RBFOX1: variants seen among roughly 807,000 people sequenced by gnomAD.
The protein encoded by RBFOX1 is RNA binding fox-1 homolog 1.
RBFOX1 carries 8 observed loss-of-function variants against 57.7 expected under a neutral mutation model. That is an observed-to-expected ratio of 0.14 (90% CI 0.08 to 0.25). The LOEUF (loss-of-function observed/expected upper bound fraction) is 0.25, where lower values mean the gene tolerates loss of function less well. Ranked by LOEUF, RBFOX1 falls within the 10% of genes least tolerant of loss-of-function variation. The probability of loss-of-function intolerance (pLI) is 1.00; values close to 1 mark genes in which losing one functional copy is unlikely to be tolerated. For missense variants in RBFOX1, 611 were observed against 548.5 expected (o/e 1.11, Z -1.14); for synonymous variants, 326 against 222.4 (o/e 1.47, Z -4.15).
intron 1 of RBFOX1, among the ~76,000 whole-genome samples, chr16:6,229,306 C>T (rs894382323): frequency 4.6e-5 from 7 of 152,220 alleles, no homozygotes; most frequent in African/African-American, 1.7e-4. Flanking sequence ...TCTCATCGTT[C>T]TCCTGTGATT....
At chr16:7,426,517 A>G (rs1041629876) in intron 4 of RBFOX1, among the ~76,000 whole-genome samples, 5 of 152,202 alleles carry the variant, frequency 3.3e-5, no homozygotes, top group African/African-American at 1.2e-4. Context: ...ACTCTCCAGC[A>G]TGCAGCTAGG....
At chr16:6,347,214 G>C (rs1337662243) in intron 2 of RBFOX1, among the ~76,000 whole-genome samples, 1 of 152,174 alleles carries the variant, frequency 6.6e-6, no homozygotes, top group African/African-American at 2.4e-5. Context: ...GAATAGTAAA[G>C]TGATGTGAAG....
At chr16:7,387,404 C>T (rs1187457406) in intron 4 of RBFOX1, among the ~76,000 whole-genome samples, 1 of 152,196 alleles carries the variant, frequency 6.6e-6, no homozygotes, top group African/African-American at 2.4e-5. Flanking sequence ...TTGAGGCCGT[C>T]AGTCACTGGA....
chr16:6,817,593 C>G (rs151305761), intron 3 of RBFOX1, among the ~76,000 whole-genome samples: 1,774 of 150,248 alleles, frequency 0.012, 45 homozygotes, highest in African/African-American at 0.041. Context: ...GTAATTGCAG[C>G]TACTCGGGAG....
chr16:6,463,692 T>TA (rs2094972501), intron 2 of RBFOX1, among the ~76,000 whole-genome samples: 1 of 152,198 alleles, frequency 6.6e-6, no homozygotes. Context: ...TTAGCTCTCT[T>TA]ACAGCCATGT....
At chr16:5,689,037 T>G (rs984781) in intron 3 of RBFOX1, among the ~76,000 whole-genome samples, 1 of 152,062 alleles carries the variant, frequency 6.6e-6, no homozygotes, top group African/African-American at 2.4e-5. Context: ...AGGATTTTAT[T>G]TTGACATCTT....
chr16:6,392,190 T>C (rs1228923905), intron 2 of RBFOX1, among the ~76,000 whole-genome samples: 1 of 152,244 alleles, frequency 6.6e-6, no homozygotes, highest in Non-Finnish European at 1.5e-5. Context: ...TTTCTAAAAT[T>C]CGTGGCCCAA....
intron 2 of RBFOX1, among the ~76,000 whole-genome samples, chr16:6,376,444 G>A (rs902687980): frequency 2.0e-5 from 3 of 152,186 alleles, no homozygotes; most frequent in African/African-American, 4.8e-5. Flanking sequence ...TCCCTCTGAA[G>A]GCATTAAGGG....
chr16:7,392,289 G>C (rs1431373672), intron 4 of RBFOX1, among the ~76,000 whole-genome samples: 1 of 152,060 alleles, frequency 6.6e-6, no homozygotes, highest in Non-Finnish European at 1.5e-5. Flanking sequence ...CCCTTGTATA[G>C]CACCTTGCAT....
chr16:6,703,487 G>A (rs146794864), intron 3 of RBFOX1, among the ~76,000 whole-genome samples: 4 of 142,206 alleles, frequency 2.8e-5, no homozygotes, highest in African/African-American at 1.1e-4. Flanking sequence ...TGAGATGGGA[G>A]GATTGCTTGA....
intron 4 of RBFOX1, among the ~76,000 whole-genome samples, chr16:7,359,404 G>A (rs1358002975): frequency 6.6e-6 from 1 of 152,018 alleles, no homozygotes; most frequent in African/African-American, 2.4e-5. Context: ...GTGTTTGTGT[G>A]CACATGTGAA....
intron 4 of RBFOX1, among the ~76,000 whole-genome samples, chr16:7,133,456 A>G (rs1160044911): frequency 6.6e-6 from 1 of 152,168 alleles, no homozygotes; most frequent in Non-Finnish European, 1.5e-5. Flanking sequence ...CATGTGAATA[A>G]AAGCAAGGTT....
intron 2 of RBFOX1, among the ~76,000 whole-genome samples, chr16:6,463,272 C>A (rs1448619543): frequency 3.9e-5 from 6 of 152,106 alleles, no homozygotes; most frequent in Non-Finnish European, 8.8e-5. Flanking sequence ...ATTCCATATT[C>A]CACCCTTTCT....
At chr16:6,024,236 C>T (rs554450870) in intron 1 of RBFOX1, among the ~76,000 whole-genome samples, 3 of 152,148 alleles carry the variant, frequency 2.0e-5, no homozygotes, top group African/African-American at 7.2e-5. Flanking sequence ...ACATGTTAGA[C>T]CCTGTGCTTG....
intron 3 of RBFOX1, among the ~76,000 whole-genome samples, chr16:6,811,805 C>G (rs2088678814): frequency 6.6e-6 from 1 of 152,296 alleles, no homozygotes; most frequent in East Asian, 1.9e-4. Context: ...AGGAGAATCG[C>G]TTGAACCTGG....
At chr16:6,913,502 C>T (rs1442842845) in intron 3 of RBFOX1, among the ~76,000 whole-genome samples, 5 of 152,138 alleles carry the variant, frequency 3.3e-5, no homozygotes, top group Admixed American at 2.0e-4. Context: ...ACCCTCGGCC[C>T]CATCATCTGC....
chr16:6,013,570 C>T (rs972588542), intron 4 of RBFOX1, among the ~76,000 whole-genome samples: 1 of 152,164 alleles, frequency 6.6e-6, no homozygotes, highest in Non-Finnish European at 1.5e-5. Flanking sequence ...TCTCATGAAC[C>T]TGGCTCTGAC....
At chr16:6,966,734 ACT>A (rs1456619214) in intron 3 of RBFOX1, among the ~76,000 whole-genome samples, 1 of 151,384 alleles carries the variant, frequency 6.6e-6, no homozygotes, top group African/African-American at 2.4e-5. Flanking sequence ...AGTCACTGTA[ACT>A]CTGCCTGCCT....
intron 1 of RBFOX1, among the ~76,000 whole-genome samples, chr16:6,118,691 TCTTCCTTC>T (rs374833441): frequency 2.7e-5 from 4 of 147,764 alleles, no homozygotes; most frequent in Non-Finnish European, 4.5e-5. Flanking sequence ...TTCCTTCCTT[TCTTCCTTC>T]CTTCCTTCTT....
Sources: gnomAD v4.1 joint callset for allele counts (sites outside exome capture counted in the v4.1 genomes callset) on GRCh38, gnomAD v4.1.1 for gene constraint, MANE v1.5 for transcripts, NCBI Gene and HGNC (gene_info 2026-07-23, HGNC 2026-07-21) for gene names.